The following TMEM38A variants were observed in gnomAD, a reference collection of about 807,000 sequenced individuals.
TMEM38A encodes the protein trimeric intracellular cation channel type A.
A neutral mutation model predicts 28.6 loss-of-function variants in TMEM38A; 17 were observed. The ratio of observed to expected loss-of-function variants is 0.60; its 90% CI spans 0.41 to 0.89. TMEM38A has a LOEUF of 0.89. Among genes scored for constraint, TMEM38A ranks in the 40% least tolerant of loss-of-function variants. The pLI is 0.00. For missense variants in TMEM38A, 328 were observed against 393.1 expected (o/e 0.83, Z 1.40); for synonymous variants, 169 against 166.1 (o/e 1.02, Z -0.14).
chr19:16,677,346 T>A (rs2086756509), intron 1 of TMEM38A, among the ~76,000 whole-genome samples: 1 of 152,150 alleles, frequency 6.6e-6, no homozygotes, highest in African/African-American at 2.4e-5. Context: ...ATATATTTAT[T>A]ATTTTTGAGA....
chr19:16,672,466 T>TTTTTTGG (rs3067283), intron 1 of TMEM38A, among the ~76,000 whole-genome samples: 1 of 149,658 alleles, frequency 6.7e-6, no homozygotes, highest in African/African-American at 2.5e-5. Flanking sequence ...TTTTTTTTTT[T>TTTTTTGG]GAGGCAGAGT....
chr19:16,680,582 G>A lies in TMEM38A; in HGVS notation c.466+1G>A. The A allele has an allele frequency of 6.2e-7, 1 of 1,611,862 alleles. No individual in the cohort carries two copies. The highest frequency in any genetic ancestry group is 8.5e-7 in the Non-Finnish European group (1 of 1,178,120). ...ATGATTGCAACTGGGTGGGTCAAAG[G>A]TAAATAGGATGATGACAATGAAAAA... On this transcript the variant is annotated splice_donor_variant, in intron 3 of 5. Transcript: ENST00000187762. LOFTEE classifies it high-confidence loss of function.
At chr19:16,680,653 C>T (rs1402069294) in intron 3 of TMEM38A, 72 bp downstream of exon 3, 3 of 1,513,498 alleles carry the variant, frequency 2.0e-6, no homozygotes, top group African/African-American at 2.7e-5. Flanking sequence ...ACCAGGCACC[C>T]CAGCTAGGAA....
At chr19:16,673,445 T>G (rs1248164458) in intron 1 of TMEM38A, among the ~76,000 whole-genome samples, 3 of 152,204 alleles carry the variant, frequency 2.0e-5, no homozygotes, top group Non-Finnish European at 4.4e-5. Flanking sequence ...AAGAGACTGT[T>G]GATTTCACTT....
At chr19:16,687,677 G>T (rs1271742222) in intron 5 of TMEM38A, among the ~76,000 whole-genome samples, 1 of 152,158 alleles carries the variant, frequency 6.6e-6, no homozygotes, top group Non-Finnish European at 1.5e-5. Flanking sequence ...GAAGGGACTG[G>T]TTAGCTCTCC....
At chr19:16,669,009 T>A (rs1211429437) in intron 1 of TMEM38A, among the ~76,000 whole-genome samples, 1 of 151,916 alleles carries the variant, frequency 6.6e-6, no homozygotes, top group Non-Finnish European at 1.5e-5. Flanking sequence ...TTTGTATTTT[T>A]AGTAGAGATG....
chr19:16,672,813 G>T (rs753393927), intron 1 of TMEM38A, among the ~76,000 whole-genome samples: 2 of 152,036 alleles, frequency 1.3e-5, no homozygotes, highest in Admixed American at 1.3e-4. Context: ...ACTTGTCTTT[G>T]TTGATACATC....
rs2086696351 is a variant in TMEM38A, at chr19:16,664,838, G to A, written c.124+3497G>A. 2.7e-5 allele frequency among the ~76,000 whole-genome samples: 4 copies of A among 149,546 alleles called. No homozygotes were observed. In the South Asian group the frequency reaches 8.6e-4, roughly 32 times the overall value. On this transcript the variant is annotated intron_variant, in intron 1 of 5. Coordinates refer to ENST00000187762, the MANE Select transcript of TMEM38A (RefSeq NM_024074.4). ...CCACCGCCCTCCAGCCTGGGCAACA[G>A]AGCAAGACCGTGTCTCCTAAAAAAA...
chr19:16,680,870 G>T, intron 3 of TMEM38A: 1 of 398,710 alleles, frequency 2.5e-6, no homozygotes, highest in Non-Finnish European at 4.7e-6. Flanking sequence ...TGTGGGGCTG[G>T]ATCATTCTTT....
chr19:16,681,668 G>A (rs1026367202), intron 3 of TMEM38A, among the ~76,000 whole-genome samples: 12 of 152,122 alleles, frequency 7.9e-5, no homozygotes, highest in Admixed American at 3.9e-4. Context: ...GCTATGGGGA[G>A]CCAACCTGTG....
intron 2 of TMEM38A, 23 bp from the exon 3 acceptor site, chr19:16,680,374 A>T: frequency 6.2e-7 from 1 of 1,612,614 alleles, no homozygotes; most frequent in Non-Finnish European, 8.5e-7. Context: ...ATCCCCTGGC[A>T]CTCACTGTTC....
intron 1 of TMEM38A, among the ~76,000 whole-genome samples, chr19:16,672,032 G>A (rs1251908022): frequency 6.6e-6 from 1 of 151,970 alleles, no homozygotes; most frequent in Non-Finnish European, 1.5e-5. Context: ...CCCTAGGAGA[G>A]GAGCTGAAGC....
chr19:16,684,702 G>C (rs925176235), intron 4 of TMEM38A, among the ~76,000 whole-genome samples: 2 of 152,056 alleles, frequency 1.3e-5, no homozygotes, highest in Non-Finnish European at 2.9e-5. Context: ...AGAGAACTTA[G>C]CAAAGCCATT....
chr19:16,666,147 AT>A (rs568119437), intron 1 of TMEM38A, among the ~76,000 whole-genome samples: 71 of 151,930 alleles, frequency 4.7e-4, no homozygotes, highest in African/African-American at 1.6e-3. Context: ...TGCCCAGCTA[AT>A]TTTTGTATTT....
chr19:16,670,276 G>GTTTTTTTTT (rs750785005), intron 1 of TMEM38A, among the ~76,000 whole-genome samples: 1 of 114,630 alleles, frequency 8.7e-6, no homozygotes, highest in African/African-American at 3.2e-5. Flanking sequence ...CCTGTTTTTT[G>GTTTTTTTTT]TTTTTTTTTT....
At chr19:16,673,142 C>T (rs995294657) in intron 1 of TMEM38A, among the ~76,000 whole-genome samples, 3 of 151,886 alleles carry the variant, frequency 2.0e-5, no homozygotes, top group East Asian at 1.9e-4. Context: ...AGTGCAGTGG[C>T]GCAATCTTGG....
At chr19:16,662,585 C>T (rs1207697969) in intron 1 of TMEM38A, among the ~76,000 whole-genome samples, 2 of 150,112 alleles carry the variant, frequency 1.3e-5, no homozygotes, top group East Asian at 3.9e-4. Flanking sequence ...TTCTGAGTAG[C>T]TGGGACTACA....
At chr19:16,678,016 C>A (rs2086760010) in intron 1 of TMEM38A, among the ~76,000 whole-genome samples, 1 of 152,036 alleles carries the variant, frequency 6.6e-6, no homozygotes, top group East Asian at 1.9e-4. Flanking sequence ...GTGCCAGGGG[C>A]TAGGCGATGG....
intron 1 of TMEM38A, among the ~76,000 whole-genome samples, chr19:16,675,544 A>ATTT (rs778592406): frequency 3.3e-5 from 3 of 89,768 alleles, no homozygotes; most frequent in Admixed American, 1.3e-4. Flanking sequence ...TCTCTTGACT[A>ATTT]TTTTTTTTTT....
Sources: allele counts gnomAD v4.1 joint callset (sites outside exome capture counted in the v4.1 genomes callset), GRCh38; gene constraint gnomAD v4.1.1; transcripts MANE v1.5; gene names NCBI Gene and HGNC (gene_info 2026-07-23, HGNC 2026-07-21).